PACSIN2: variants seen among roughly 807,000 people sequenced by gnomAD.
PACSIN2 encodes protein kinase C and casein kinase substrate in neurons 2.
A neutral mutation model predicts 63.8 loss-of-function variants in PACSIN2; 25 were observed. The observed-to-expected ratio is 0.39, with a 90% CI of 0.29 to 0.55. PACSIN2 has a LOEUF of 0.55. Ranked by LOEUF, PACSIN2 falls within the 20% of genes least tolerant of loss-of-function variation. The probability of loss-of-function intolerance (pLI) is 0.62; values close to 1 mark genes in which losing one functional copy is unlikely to be tolerated. For missense variants in PACSIN2, 518 were observed against 646.9 expected, an observed-to-expected ratio of 0.80 and a Z score of 2.16; for synonymous variants, 255 against 256.2, an observed-to-expected ratio of 1.00 and a Z score of 0.05.
chr22:42,892,679 C>A (rs150801770), intron 3 of PACSIN2, among the ~76,000 whole-genome samples: 55 of 152,348 alleles, frequency 3.6e-4, no homozygotes, highest in African/African-American at 1.3e-3. Context: ...TAAGCCCACA[C>A]AAACAACCCA....
intron 1 of PACSIN2, among the ~76,000 whole-genome samples, chr22:42,926,610 G>C (rs1248635151): frequency 2.0e-5 from 3 of 151,986 alleles, no homozygotes; most frequent in Non-Finnish European, 4.4e-5. Flanking sequence ...GAGAAAAAGA[G>C]AGGGGGGAAA....
chr22:42,973,844 C>T (rs555861302), intron 1 of PACSIN2, among the ~76,000 whole-genome samples: 2 of 152,334 alleles, frequency 1.3e-5, no homozygotes, highest in South Asian at 4.1e-4. Flanking sequence ...ACAGCATATG[C>T]TAAAAGAGGA....
intron 1 of PACSIN2, among the ~76,000 whole-genome samples, chr22:42,940,781 G>C (rs1462883294): frequency 1.3e-5 from 2 of 152,184 alleles, no homozygotes; most frequent in African/African-American, 2.4e-5. Flanking sequence ...AAATGGAAAA[G>C]ACCCAAATGT....
intron 1 of PACSIN2, among the ~76,000 whole-genome samples, chr22:42,917,948 T>C (rs17003413): frequency 0.037 from 5,671 of 152,240 alleles, 192 homozygotes; most frequent in Middle Eastern, 0.065. Context: ...TATGCCTTAA[T>C]GGTGCCATTT....
intron 1 of PACSIN2, among the ~76,000 whole-genome samples, chr22:42,951,826 T>G (rs1342335539): frequency 1.3e-5 from 2 of 151,896 alleles, no homozygotes; most frequent in African/African-American, 2.4e-5. Flanking sequence ...TTCTAGCCCC[T>G]GCTTCCAGCG....
chr22:42,999,044 A>G (rs1337041099), intron 1 of PACSIN2, among the ~76,000 whole-genome samples: 1 of 152,176 alleles, frequency 6.6e-6, no homozygotes, highest in African/African-American at 2.4e-5. Context: ...ATGTGACCTG[A>G]TTCTTCCTGG....
rs1929666469 is a variant in PACSIN2, at chr22:42,888,651, C to T, written c.601G>A (p.Val201Ile). Residue 201 changes from valine to isoleucine, a missense_variant, in exon 5 of 11, where the codon GTT (valine) becomes ATT (isoleucine). Around this residue, in one of 2 missense-constraint regions of PACSIN2, gnomAD observed 507 missense variants for 612.3 expected, o/e 0.83. Coordinates refer to ENST00000263246, the MANE Select transcript of PACSIN2 (RefSeq NM_001184970.3). ...QDKIEKCKQD[V>I]LKTKEKYEKS... The stretch of plus-strand genomic sequence containing the variant: ...ACAAGTGTACAGTTTACCTTAAGAA[C>T]ATCTTGCTTGCACTTTTCTATTTTG... 1 of 1,614,208 alleles carries T rather than the reference C, an allele frequency of 6.2e-7. No individual in the cohort carries two copies. The highest frequency in any genetic ancestry group is 8.5e-7 in the Non-Finnish European group (1 of 1,180,016).
Position 42,889,373 on chromosome 22 carries a change from TACAC to T in PACSIN2, c.454-579_454-576del, listed in dbSNP as rs58408551. On this transcript the variant is annotated intron_variant, in intron 4 of 10. Transcript: ENST00000263246. Reference sequence around the variant, plus strand: ...CATTTCCTCTGGTTTTAATGGTTTTTACACACACACACACACACACACACACTCT... The same window carrying T: ...CATTTCCTCTGGTTTTAATGGTTTTTACACACACACACACACACACACTCT... Among the ~76,000 whole-genome samples, 1,089 of 122,542 alleles carry T rather than the reference TACAC, an allele frequency of 8.9e-3. 8 individuals are homozygous for T. Among genetic ancestry groups the T allele is most frequent in the African/African-American group, 0.029 (1,040 of 36,040 alleles). 80.4% of individuals were successfully genotyped at this position (122,542 alleles called of 152,430 possible). A position where few individuals can be genotyped will look rare whatever the true frequency, so the allele number is the denominator to read the frequency against.
chr22:42,910,064 GA>G (rs1261202003), intron 2 of PACSIN2, among the ~76,000 whole-genome samples: 1 of 152,196 alleles, frequency 6.6e-6, no homozygotes, highest in African/African-American at 2.4e-5. Flanking sequence ...TGAAGGCAAA[GA>G]AAAATCAGTA....
intron 1 of PACSIN2, among the ~76,000 whole-genome samples, chr22:43,001,448 A>G (rs1040621407): frequency 5.9e-5 from 9 of 152,252 alleles, no homozygotes; most frequent in Non-Finnish European, 1.2e-4. Flanking sequence ...CAGCCCCCAA[A>G]GCATCAAGCA....
In PACSIN2 at chr22:42,917,424, T is replaced by A. The variant is rs1480733934; in HGVS notation, c.-77-5267A>T. On this transcript the variant is annotated intron_variant, in intron 1 of 10. Transcript: ENST00000263246. ...GAGCTCAAGACCAGCCTGGGCAACA[T>A]AGTGAGATCCCATCTCTACAAAAAG... 2.0e-5 allele frequency among the ~76,000 whole-genome samples: 3 copies of A among 151,464 alleles called. No individual in the cohort carries two copies. In the South Asian group the frequency reaches 6.3e-4, roughly 32 times the overall value.
chr22:43,006,825 AAAAG>A (rs984328051), intron 1 of PACSIN2, among the ~76,000 whole-genome samples: 3 of 152,314 alleles, frequency 2.0e-5, no homozygotes, highest in East Asian at 1.9e-4. Flanking sequence ...CAAAAAAGAA[AAAAG>A]AAAGAGAAGC....
chr22:42,953,605 CTA>C (rs1398291529), intron 1 of PACSIN2, among the ~76,000 whole-genome samples: 1 of 152,022 alleles, frequency 6.6e-6, no homozygotes, highest in Non-Finnish European at 1.5e-5. Context: ...AATTTGAGAG[CTA>C]TATATTTAAA....
At chr22:42,928,953 G>A (rs564063026) in intron 1 of PACSIN2, among the ~76,000 whole-genome samples, 78 of 152,328 alleles carry the variant, frequency 5.1e-4, no homozygotes, top group African/African-American at 1.9e-3. Context: ...AGAAGAGAGT[G>A]GGATTCAACA....
At chr22:42,961,207 AT>A (rs1368220739) in intron 1 of PACSIN2, among the ~76,000 whole-genome samples, 2 of 152,266 alleles carry the variant, frequency 1.3e-5, no homozygotes, top group Non-Finnish European at 2.9e-5. Flanking sequence ...ACTCATATTC[AT>A]TCAAAAATGT....
intron 1 of PACSIN2, among the ~76,000 whole-genome samples, chr22:42,916,893 A>T (rs1202935629): frequency 6.6e-6 from 1 of 152,144 alleles, no homozygotes; most frequent in African/African-American, 2.4e-5. Context: ...ACCCGAAGGT[A>T]CTCGGAAATG....
intron 1 of PACSIN2, among the ~76,000 whole-genome samples, chr22:42,972,679 G>A (rs924410677): frequency 1.3e-5 from 2 of 152,072 alleles, no homozygotes; most frequent in Non-Finnish European, 1.5e-5. Flanking sequence ...TGGGCTTTCC[G>A]ACCTGGACAC....
At chr22:42,886,408 G>T (rs116944918) in intron 5 of PACSIN2, among the ~76,000 whole-genome samples, 39 of 135,880 alleles carry the variant, frequency 2.9e-4, no homozygotes, top group East Asian at 1.1e-3. Context: ...GTCAGCAATG[G>T]TATGTATGTA....
chr22:42,876,296 C>T lies in PACSIN2; in HGVS notation c.1189G>A (p.Asp397Asn), dbSNP rs369451109. 12 of 1,614,018 alleles carry T rather than the reference C, an allele frequency of 7.4e-6. No homozygotes were observed. Among genetic ancestry groups the T allele is most frequent in the African/African-American group, 5.3e-5 (4 of 74,922 alleles). The stretch of plus-strand genomic sequence containing the variant: ...TTGTTAGACTCATCGTCTGACCAGT[C>T]GGTGGGATAGCTCTGGGTCTTCTCG... ...SYEKTQSYPT[D>N]WSDDESNNPF... is the part of the protein sequence containing the mutation. The change falls in exon 10 of 11, where the codon GAC becomes AAC. Residue 397 changes from aspartate to asparagine, a missense_variant. Asp to Asn is a conservative substitution (Grantham distance 23). Coordinates refer to ENST00000263246, the MANE Select transcript of PACSIN2 (RefSeq NM_001184970.3).
Sources: gnomAD v4.1 joint callset for allele counts (sites outside exome capture counted in the v4.1 genomes callset) on GRCh38, gnomAD v4.1.1 for gene constraint, gnomAD v4.1.1 regional missense constraint, MANE v1.5 for transcripts, NCBI Gene and HGNC (gene_info 2026-07-23, HGNC 2026-07-21) for gene names.